The following TMTC2 variants were observed in gnomAD, a reference collection of about 807,000 sequenced individuals.
TMTC2 encodes the protein protein O-mannosyl-transferase TMTC2.
In TMTC2, 43 loss-of-function variants were observed where a neutral mutation model predicts 82.4. The observed-to-expected ratio is 0.52, with a 90% CI of 0.41 to 0.67. The LOEUF is 0.67. Ranked by LOEUF, TMTC2 falls within the 30% of genes least tolerant of loss-of-function variation. The pLI is 0.00. For synonymous variants in TMTC2, 408 were observed against 381.9 expected (o/e 1.07, Z -0.80); for missense variants, 919 against 1,012.4 (o/e 0.91, Z 1.25).
chr12:82,808,036 G>C (rs532723886), intron 1 of TMTC2, among the ~76,000 whole-genome samples: 6 of 151,692 alleles, frequency 4.0e-5, no homozygotes, highest in Non-Finnish European at 8.8e-5. Flanking sequence ...GCAGAAATTG[G>C]CATCTCTAGA....
At chr12:82,699,896 A>G (rs1332246484) in intron 1 of TMTC2, among the ~76,000 whole-genome samples, 1 of 152,202 alleles carries the variant, frequency 6.6e-6, no homozygotes, top group Non-Finnish European at 1.5e-5. Context: ...TTGAAAAACA[A>G]AGATTGTGTC....
rs1355358349 is a variant in TMTC2 at position 82,991,526 on chromosome 12, G to A, written c.2070+5480G>A. Among the ~76,000 whole-genome samples, 10 of 152,084 alleles carry A rather than the reference G, an allele frequency of 6.6e-5. No individual in the cohort carries two copies. In the East Asian group the frequency reaches 1.5e-3, roughly 24 times the overall value. On this transcript the variant is annotated intron_variant, in intron 8 of 11. Transcript: ENST00000321196. ...ATTATACTTCTAATACAAAAATTTC[G>A]GGGTATCCTGGGGAATAGTTTTGTA... is the stretch of plus-strand genomic sequence containing the variant.
intron 1 of TMTC2, among the ~76,000 whole-genome samples, chr12:82,713,334 A>G (rs1029872413): frequency 3.3e-5 from 5 of 152,072 alleles, no homozygotes; most frequent in Non-Finnish European, 7.4e-5. Flanking sequence ...AAGAAAAACA[A>G]AAAAAAACAA....
At chr12:82,689,927 T>C (rs1192043474) in intron 1 of TMTC2, among the ~76,000 whole-genome samples, 1 of 152,254 alleles carries the variant, frequency 6.6e-6, no homozygotes, top group Non-Finnish European at 1.5e-5. Flanking sequence ...ATTTGAAAAG[T>C]GTATTTTACA....
intron 1 of TMTC2, among the ~76,000 whole-genome samples, chr12:82,778,798 G>A (rs1349772673): frequency 2.4e-5 from 3 of 124,482 alleles, no homozygotes; most frequent in Admixed American, 9.8e-5. Flanking sequence ...GCAGTGAGCC[G>A]AGATCCCGCC....
chr12:82,728,472 C>A (rs1227528426), intron 1 of TMTC2, among the ~76,000 whole-genome samples: 2 of 152,006 alleles, frequency 1.3e-5, no homozygotes, highest in African/African-American at 4.8e-5. Flanking sequence ...TGTAATCCCA[C>A]CACTTTGGGA....
At chr12:83,117,670 T>C (rs1005778859) in intron 11 of TMTC2, among the ~76,000 whole-genome samples, 1 of 152,170 alleles carries the variant, frequency 6.6e-6, no homozygotes, top group African/African-American at 2.4e-5. Context: ...ATTTTAGATT[T>C]GTTTTTTCTA....
intron 1 of TMTC2, among the ~76,000 whole-genome samples, chr12:82,814,934 T>C (rs1055006669): frequency 1.3e-5 from 2 of 152,096 alleles, no homozygotes; most frequent in Non-Finnish European, 2.9e-5. Flanking sequence ...TTTAGCTGTG[T>C]AGAGGGGAAA....
chr12:82,780,086 A>G (rs912075507), intron 1 of TMTC2, among the ~76,000 whole-genome samples: 3 of 152,144 alleles, frequency 2.0e-5, no homozygotes, highest in African/African-American at 7.2e-5. Context: ...TTTACTAATT[A>G]TCTGTTCTCA....
intron 1 of TMTC2, among the ~76,000 whole-genome samples, chr12:82,841,358 G>C (rs1299958927): frequency 1.3e-5 from 2 of 152,174 alleles, no homozygotes; most frequent in East Asian, 3.9e-4. Flanking sequence ...TTTAATGCTA[G>C]AGTTAATATC....
intron 1 of TMTC2, among the ~76,000 whole-genome samples, chr12:82,835,537 T>C (rs1022787405): frequency 7.2e-5 from 11 of 152,202 alleles, no homozygotes; most frequent in African/African-American, 2.7e-4. Context: ...CTTCAGTTGG[T>C]CATTTAATTC....
At chr12:82,726,709 T>C (rs1269429988) in intron 1 of TMTC2, among the ~76,000 whole-genome samples, 2 of 151,818 alleles carry the variant, frequency 1.3e-5, no homozygotes, top group Non-Finnish European at 2.9e-5. Flanking sequence ...TGAAACCCTG[T>C]CTCTACTAAA....
chr12:82,962,426 G>A (rs1389456020), intron 4 of TMTC2, among the ~76,000 whole-genome samples: 1 of 152,112 alleles, frequency 6.6e-6, no homozygotes, highest in African/African-American at 2.4e-5. Context: ...AACCTTGATG[G>A]GCAGAGTAAA....
intron 2 of TMTC2, among the ~76,000 whole-genome samples, chr12:82,880,439 T>C (rs1872764966): frequency 6.6e-6 from 1 of 152,236 alleles, no homozygotes; most frequent in African/African-American, 2.4e-5. Flanking sequence ...GAGTTCACTG[T>C]TGCACTGAAT....
chr12:82,716,964 AC>A (rs1196971124), intron 1 of TMTC2, among the ~76,000 whole-genome samples: 2 of 152,166 alleles, frequency 1.3e-5, no homozygotes, highest in African/African-American at 4.8e-5. Context: ...GATAATACTT[AC>A]CTGGTCCTGT....
At chr12:82,853,543 A>T (rs1871097687) in intron 1 of TMTC2, among the ~76,000 whole-genome samples, 1 of 152,206 alleles carries the variant, frequency 6.6e-6, no homozygotes, top group South Asian at 2.1e-4. Context: ...TATAAAGATA[A>T]ATTCCAGCAG....
chr12:83,055,540 T>C (rs1363606276), intron 10 of TMTC2, among the ~76,000 whole-genome samples: 1 of 152,080 alleles, frequency 6.6e-6, no homozygotes, highest in African/African-American at 2.4e-5. Context: ...AACTATTGAA[T>C]CATTTATTCT....
chr12:82,711,337 A>G (rs1192648305), intron 1 of TMTC2, among the ~76,000 whole-genome samples: 1 of 152,194 alleles, frequency 6.6e-6, no homozygotes, highest in East Asian at 1.9e-4. Flanking sequence ...GTAAATAATT[A>G]TATACATTCA....
chr12:82,749,739 C>CTTT (rs71068950), intron 1 of TMTC2, among the ~76,000 whole-genome samples: 2,015 of 127,126 alleles, frequency 0.016, 95 homozygotes, highest in African/African-American at 0.059. Flanking sequence ...TTCTTTCTTT[C>CTTT]TTTTTTTTTT....
Sources: gnomAD v4.1 joint callset for allele counts (sites outside exome capture counted in the v4.1 genomes callset) on GRCh38, gnomAD v4.1.1 for gene constraint, MANE v1.5 for transcripts, NCBI Gene and HGNC (gene_info 2026-07-23, HGNC 2026-07-21) for gene names.